TTC39A: variants seen among roughly 807,000 people sequenced by gnomAD.
The protein encoded by TTC39A is tetratricopeptide repeat domain 39A.
TTC39A carries 46 observed loss-of-function variants against 82.3 expected under a neutral mutation model. The ratio of observed to expected loss-of-function variants is 0.56; its 90% confidence interval spans 0.44 to 0.71. The LOEUF (loss-of-function observed/expected upper bound fraction) is 0.71. Among genes scored for constraint, TTC39A ranks in the 30% least tolerant of loss-of-function variants. TTC39A has a pLI of 0.00. For synonymous variants in TTC39A, 254 were observed against 275.2 expected, an observed-to-expected ratio of 0.92 and a Z score of 0.76; for missense variants, 543 against 712.9, an observed-to-expected ratio of 0.76 and a Z score of 2.71.
Position 51,288,779 on chromosome 1 carries a change from C to G in TTC39A, c.1610+60G>C. 4 of 1,496,188 alleles carry G rather than the reference C, an allele frequency of 2.7e-6. No individual in the cohort carries two copies. The highest frequency in any genetic ancestry group is 3.6e-6 in the Non-Finnish European group (4 of 1,098,116). The allele number at this position is 1,496,188 out of a possible 1,614,324, so 92.7% of individuals were successfully genotyped here. On this transcript the variant is annotated intron_variant, in intron 17 of 17. Coordinates refer to ENST00000680483, the MANE Select transcript of TTC39A (RefSeq NM_001297663.2). This position sits in a 1 kb window ranked among gnomAD's most constrained non-coding sequence, Gnocchi z 4.8. ...GCTCTCTGGGCAACTCTGTCCCCAGCCAGCTCCTGAGCTGAGTTCAGAGGG... is the reference window on the plus strand; with the variant it reads ...GCTCTCTGGGCAACTCTGTCCCCAGGCAGCTCCTGAGCTGAGTTCAGAGGG...
upstream of TTC39A, chr1:51,331,708 G>T (rs1645914582): frequency 3.7e-5 from 36 of 985,324 alleles, no homozygotes; most frequent in South Asian, 1.6e-3. Flanking sequence ...ATGCTCACTT[G>T]CAAGAATCAT....
At chr1:51,315,552 T>A (rs1009623621) in intron 2 of TTC39A, among the ~76,000 whole-genome samples, 2 of 152,168 alleles carry the variant, frequency 1.3e-5, no homozygotes, top group Non-Finnish European at 2.9e-5. Context: ...TCGTGCTCAC[T>A]GAAGCTCCCC....
intron 1 of TTC39A, among the ~76,000 whole-genome samples, chr1:51,341,856 C>T (rs113570379): frequency 2.6e-5 from 4 of 152,300 alleles, no homozygotes; most frequent in African/African-American, 9.6e-5. Context: ...ACCTCAAAGC[C>T]ACCCAAGGAT....
At chr1:51,290,735 G>T in intron 14 of TTC39A, 110 bp from the exon 15 acceptor site, 1 of 803,462 alleles carries the variant, frequency 1.2e-6, no homozygotes, top group Non-Finnish European at 2.0e-6. Context: ...GGACCTTCTA[G>T]CTCTAATCAT....
rs1165904908 is a variant in TTC39A at position 51,303,475 on chromosome 1, G to T, written c.655-283C>A. ...TTCCCCAGCCTCCCTGTAGTCACGG[G>T]CTTGGCCGCCCTGCGATGGGTATTG... On this transcript the variant is annotated intron_variant, in intron 8 of 17. Transcript: ENST00000680483. Among the ~76,000 whole-genome samples, 3 of 152,336 alleles carry T rather than the reference G, an allele frequency of 2.0e-5. No individual in the cohort carries two copies. The East Asian group carries it at 5.8e-4, about 29-fold the overall frequency.
At chr1:51,289,011 A>G (rs547698100) in intron 16 of TTC39A, 56 bp from the exon 17 acceptor site, 2 of 1,492,014 alleles carry the variant, frequency 1.3e-6, no homozygotes, top group African/African-American at 1.4e-5. Context: ...CCCAAACTGC[A>G]TGTGAGGATT....
At chr1:51,291,805 CA>C (rs112294762) in intron 14 of TTC39A, among the ~76,000 whole-genome samples, 1,963 of 127,914 alleles carry the variant, frequency 0.015, 23 homozygotes, top group African/African-American at 0.04. Flanking sequence ...GATTCTATCT[CA>C]AAAAAAAAAA....
intron 6 of TTC39A, among the ~76,000 whole-genome samples, chr1:51,306,366 G>A (rs1644867353): frequency 1.3e-5 from 2 of 152,170 alleles, no homozygotes; most frequent in Non-Finnish European, 2.9e-5. Flanking sequence ...CTCAGCCTCC[G>A]CGCTACTGAC....
At chr1:51,309,553 G>A (rs1009691243) in intron 5 of TTC39A, 1 of 955,000 alleles carries the variant, frequency 1.0e-6, no homozygotes, top group Admixed American at 4.0e-5. Context: ...CTTGGAGAGA[G>A]GCCTGGAGGG....
rs1294222538 is a variant in TTC39A at position 51,322,180 on chromosome 1, C to T, written c.42-355G>A. Reference sequence around the variant, plus strand: ...GGCCCATTGGGCTCTGCTGCCCCCCCAGGGGGTGCAGCCCAGCCACTAAAT... The same window carrying T: ...GGCCCATTGGGCTCTGCTGCCCCCCTAGGGGGTGCAGCCCAGCCACTAAAT... On this transcript the variant is annotated intron_variant, in intron 1 of 17. Transcript: ENST00000680483. 8 of 1,527,500 alleles carry T rather than the reference C, an allele frequency of 5.2e-6. No individual in the cohort carries two copies. The Admixed American group carries it at 6.1e-5, about 12-fold the overall frequency. 94.6% of individuals were successfully genotyped at this position (1,527,500 alleles called of 1,614,324 possible). A position where few individuals can be genotyped will look rare whatever the true frequency, so the allele number is the denominator to read the frequency against.
At chr1:51,331,108 G>A (rs776790540), upstream of TTC39A, 3 of 1,265,654 alleles carry the variant, frequency 2.4e-6, no homozygotes, top group South Asian at 3.8e-5. Context: ...TTACAGATGG[G>A]GAAACTGAGG....
chr1:51,330,315 G>A lies in TTC39A; in HGVS notation c.41+122C>T. 1 of 914,792 alleles carries A rather than the reference G, an allele frequency of 1.1e-6. No homozygotes were observed. Among genetic ancestry groups the A allele is most frequent in the Non-Finnish European group, 1.3e-6 (1 of 766,682 alleles). 56.7% of individuals were successfully genotyped at this position (914,792 alleles called of 1,614,324 possible). A position where few individuals can be genotyped will look rare whatever the true frequency, so the allele number is the denominator to read the frequency against. ...CTGCCAGGGGCCGGGCGGGGTGGGG[G>A]CTGGAAGCCGCAGTGCGGCCCCAGG... On this transcript the variant is annotated intron_variant, in intron 1 of 17. Coordinates refer to ENST00000680483, the MANE Select transcript of TTC39A (RefSeq NM_001297663.2). This position sits in a 1 kb window ranked among gnomAD's most constrained non-coding sequence, Gnocchi z 4.5.
At chr1:51,319,377 G>A (rs1645408140) in intron 2 of TTC39A, among the ~76,000 whole-genome samples, 1 of 152,130 alleles carries the variant, frequency 6.6e-6, no homozygotes, top group African/African-American at 2.4e-5. Flanking sequence ...TGACCTAGGA[G>A]GTCCAAAAGG....
chr1:51,336,088 T>C (rs1333174902), upstream of TTC39A, among the ~76,000 whole-genome samples: 2 of 150,932 alleles, frequency 1.3e-5, no homozygotes, highest in Non-Finnish European at 2.9e-5. Context: ...TCTAGAACCC[T>C]TCCTCTCTCA....
chr1:51,295,929 C>T (rs1196826778), intron 13 of TTC39A, 150 bp downstream of exon 13: 2 of 758,288 alleles, frequency 2.6e-6, no homozygotes, highest in African/African-American at 1.7e-5. Context: ...GGGGAGGACA[C>T]GCAGGGGGGG....
upstream of TTC39A, chr1:51,330,984 A>G: frequency 3.0e-6 from 2 of 663,924 alleles, no homozygotes; most frequent in Non-Finnish European, 5.5e-6. This position sits in a 1 kb window ranked among gnomAD's most constrained non-coding sequence, Gnocchi z 4.5. Context: ...TAATCCCACC[A>G]TCTCGCCCAC....
chr1:51,310,137 T>C (rs1645030910), intron 5 of TTC39A, among the ~76,000 whole-genome samples: 1 of 152,106 alleles, frequency 6.6e-6, no homozygotes, highest in Non-Finnish European at 1.5e-5. Flanking sequence ...AGCTGGAGGC[T>C]GAGGCAGGAA....
At chr1:51,320,594 G>A (rs1211825217) in intron 2 of TTC39A, among the ~76,000 whole-genome samples, 2 of 150,920 alleles carry the variant, frequency 1.3e-5, no homozygotes, top group Admixed American at 1.3e-4. Flanking sequence ...TGAGACTATA[G>A]GCGCACACCA....
rs566930463 is a variant in TTC39A at position 51,295,077 on chromosome 1, C to T, written c.1146-566G>A. Among the ~76,000 whole-genome samples the T allele has an allele frequency of 2.6e-5, 4 of 152,304 alleles. No individual in the cohort carries two copies. The South Asian group carries it at 6.2e-4, about 24-fold the overall frequency. ...CTCCTCCTATTTCTGCCACAGTCAC[C>T]GGGTGTGGCTGTGACCTCAGGCCTG... On this transcript the variant is annotated intron_variant, in intron 13 of 17. Transcript: ENST00000680483.
Sources: allele counts gnomAD v4.1 joint callset (sites outside exome capture counted in the v4.1 genomes callset), GRCh38; gene constraint gnomAD v4.1.1; non-coding constraint Gnocchi (gnomAD v3.1); transcripts MANE v1.5; gene names NCBI Gene and HGNC (gene_info 2026-07-23, HGNC 2026-07-21).